TASP1: variants seen among roughly 807,000 people sequenced by gnomAD.
TASP1 encodes the protein threonine aspartase 1.
In TASP1, 16 loss-of-function variants were observed where a neutral mutation model predicts 56.6. The ratio of observed to expected loss-of-function variants is 0.28; its 90% confidence interval spans 0.19 to 0.43. The LOEUF (loss-of-function observed/expected upper bound fraction) is 0.43. Ranked by LOEUF, TASP1 falls within the 20% of genes least tolerant of loss-of-function variation. TASP1 has a pLI of 1.00. For missense variants in TASP1, 393 were observed against 511.6 expected (o/e 0.77, Z 2.24); for synonymous variants, 179 against 184.2 (o/e 0.97, Z 0.23).
At chr20:13,160,481 A>G in the TASP1 span, among the ~76,000 whole-genome samples, 19 of 152,364 alleles carry the variant, frequency 1.2e-4, no homozygotes, top group East Asian at 3.1e-3. Flanking sequence ...GACATTTTTC[A>G]TAGCCACTAA....
In TASP1 at chr20:13,587,374, A is replaced by G; in HGVS notation, c.283-4T>C. 6.3e-7 allele frequency: 1 copy of G among 1,590,492 alleles called. No individual in the cohort carries two copies. On this transcript the variant is annotated splice_region_variant and splice_polypyrimidine_tract_variant and intron_variant, in intron 4 of 13. Coordinates refer to ENST00000337743, the MANE Select transcript of TASP1 (RefSeq NM_017714.3). ...CTGCATTTGTAAAAGGAGAATCCTA[A>G]AAGACAAAAACAAAAATTAAAATAT...
At chr20:13,173,960 T>C in the TASP1 span, among the ~76,000 whole-genome samples, 3 of 152,198 alleles carry the variant, frequency 2.0e-5, no homozygotes, top group African/African-American at 7.2e-5. Context: ...GGTTGTGACC[T>C]TTCAGAATTT....
At chr20:13,263,960 G>A in the TASP1 span, among the ~76,000 whole-genome samples, 1 of 150,558 alleles carries the variant, frequency 6.6e-6, no homozygotes, top group South Asian at 2.1e-4. Context: ...AAGATTCCTA[G>A]GGTTTTTTTG....
the TASP1 span, among the ~76,000 whole-genome samples, chr20:13,113,118 G>T: frequency 6.6e-6 from 1 of 152,134 alleles, no homozygotes; most frequent in Admixed American, 6.5e-5. Context: ...GGGAGGCAGA[G>T]GTTGCAGTGA....
At chr20:13,459,063 C>A (rs1206191417) in intron 11 of TASP1, among the ~76,000 whole-genome samples, 1 of 152,174 alleles carries the variant, frequency 6.6e-6, no homozygotes, top group Non-Finnish European at 1.5e-5. Context: ...AGAGGCCACT[C>A]TCCATCACCC....
At chr20:13,183,781 G>A in the TASP1 span, among the ~76,000 whole-genome samples, 1 of 152,156 alleles carries the variant, frequency 6.6e-6, no homozygotes, top group Non-Finnish European at 1.5e-5. Context: ...TGTAATCCCA[G>A]CACTTTGGGA....
chr20:13,500,367 A>G (rs935043175), intron 10 of TASP1, among the ~76,000 whole-genome samples: 2 of 149,314 alleles, frequency 1.3e-5, no homozygotes, highest in Non-Finnish European at 1.5e-5. Context: ...TCTGTTTTCA[A>G]ATATAATGTT....
intron 10 of TASP1, among the ~76,000 whole-genome samples, chr20:13,522,212 T>TTTA (rs1209870036): frequency 6.6e-6 from 1 of 152,192 alleles, no homozygotes; most frequent in Non-Finnish European, 1.5e-5. Flanking sequence ...GGCTTTCCCA[T>TTTA]TTATTAAGAT....
chr20:13,498,407 G>A (rs2043816337), intron 10 of TASP1, among the ~76,000 whole-genome samples: 4 of 149,268 alleles, frequency 2.7e-5, no homozygotes, highest in African/African-American at 7.4e-5. Flanking sequence ...CACACAGGCT[G>A]GAGTGCAGTG....
chr20:13,487,424 T>C (rs1023940450), intron 10 of TASP1, among the ~76,000 whole-genome samples: 1 of 152,112 alleles, frequency 6.6e-6, no homozygotes, highest in Non-Finnish European at 1.5e-5. Context: ...CACACCAACC[T>C]CAAGGATTCA....
chr20:13,544,135 C>T (rs2045720497), intron 8 of TASP1, among the ~76,000 whole-genome samples: 1 of 152,140 alleles, frequency 6.6e-6, no homozygotes, highest in Admixed American at 6.5e-5. Flanking sequence ...AGACTAAAAC[C>T]ATCGAACATT....
intron 2 of TASP1, among the ~76,000 whole-genome samples, chr20:13,627,288 G>T (rs1274599516): frequency 6.6e-6 from 1 of 152,128 alleles, no homozygotes; most frequent in Admixed American, 6.5e-5. Flanking sequence ...ACCCTTAAAT[G>T]TGCAAGATAC....
At chr20:13,221,270 T>TCTCCTCCTCCTC in the TASP1 span, among the ~76,000 whole-genome samples, 15 of 78,568 alleles carry the variant, frequency 1.9e-4, no homozygotes, top group African/African-American at 8.0e-4. Context: ...TCCTTCTCCT[T>TCTCCTCCTCCTC]CTCCTCCTCC....
At chr20:13,559,794 T>G (rs1341277970) in intron 7 of TASP1, among the ~76,000 whole-genome samples, 1 of 152,126 alleles carries the variant, frequency 6.6e-6, no homozygotes, top group Non-Finnish European at 1.5e-5. Flanking sequence ...AAACTGGCCT[T>G]AACTTACCCA....
rs537653057 is a variant in TASP1 at position 13,636,425 on chromosome 20, G to T, written c.-75+2469C>A. On this transcript the variant is annotated intron_variant, in intron 1 of 13. Transcript: ENST00000337743. ...TCCGCCTGCCTGGGCCTCCCAAAGT[G>T]CTGGGATTACAGGCGTGAGCCACCA... Among the ~76,000 whole-genome samples, 4 of 151,170 alleles carry T rather than the reference G, an allele frequency of 2.6e-5. No homozygotes were observed. In the East Asian group the frequency reaches 7.8e-4, roughly 29 times the overall value.
chr20:13,268,379 TC>T, the TASP1 span, among the ~76,000 whole-genome samples: 4 of 133,690 alleles, frequency 3.0e-5, no homozygotes, highest in Non-Finnish European at 5.0e-5. Flanking sequence ...TCTCTCTCTC[TC>T]TCTCTCTCTC....
chr20:13,527,816 A>G (rs2045043632), intron 10 of TASP1, among the ~76,000 whole-genome samples: 1 of 152,164 alleles, frequency 6.6e-6, no homozygotes, highest in African/African-American at 2.4e-5. Context: ...TTTGAAATTA[A>G]CTGCTACTTT....
At chr20:13,624,125 A>G (rs2048808389) in intron 3 of TASP1, among the ~76,000 whole-genome samples, 1 of 152,222 alleles carries the variant, frequency 6.6e-6, no homozygotes, top group African/African-American at 2.4e-5. Flanking sequence ...AGAGAGAAGG[A>G]AAAGTCATTT....
chr20:13,116,720 G>C, the TASP1 span, among the ~76,000 whole-genome samples: 9 of 152,300 alleles, frequency 5.9e-5, 1 homozygote, highest in Admixed American at 1.3e-4. Context: ...AAACAAAAGA[G>C]TTCATCTACA....
Sources: allele counts gnomAD v4.1 joint callset (sites outside exome capture counted in the v4.1 genomes callset), GRCh38; gene constraint gnomAD v4.1.1; transcripts MANE v1.5; gene names NCBI Gene and HGNC (gene_info 2026-07-23, HGNC 2026-07-21).